Variants in NUP160 observed in about 807,000 individuals in gnomAD.
The protein encoded by NUP160 is nucleoporin 160, also known as nuclear pore complex protein Nup160.
A neutral mutation model predicts 196.9 loss-of-function variants in NUP160; 94 were observed. The ratio of observed to expected loss-of-function variants is 0.48; its 90% CI spans 0.40 to 0.57. The LOEUF (loss-of-function observed/expected upper bound fraction) is 0.57. NUP160 is among the 20% of genes least tolerant of loss of function. The pLI is 0.00. For missense variants in NUP160, 1,638 were observed against 1,748.3 expected, an observed-to-expected ratio of 0.94 and a Z score of 1.13; for synonymous variants, 605 against 619.7, an observed-to-expected ratio of 0.98 and a Z score of 0.35.
intron 7 of NUP160, among the ~76,000 whole-genome samples, chr11:47,826,570 C>CCTT (rs1491138492): frequency 2.8e-5 from 3 of 106,898 alleles, no homozygotes; most frequent in East Asian, 2.9e-4. Context: ...TCCCCCCCCC[C>CCTT]TTTTTTTTTT....
chr11:47,802,999 A>C (rs1193822836), intron 22 of NUP160, among the ~76,000 whole-genome samples: 1 of 151,910 alleles, frequency 6.6e-6, no homozygotes, highest in Non-Finnish European at 1.5e-5. Context: ...GAAATAATAA[A>C]ATAAGTAAAT....
At chr11:47,779,930 G>A (rs983850712) in intron 35 of NUP160, among the ~76,000 whole-genome samples, 1 of 152,144 alleles carries the variant, frequency 6.6e-6, no homozygotes, top group Non-Finnish European at 1.5e-5. Context: ...ATTTCACCAT[G>A]TTGGCAAAGC....
intron 4 of NUP160, 65 bp downstream of exon 4, chr11:47,839,778 T>C (rs1852257645): frequency 2.0e-5 from 27 of 1,337,882 alleles, no homozygotes; most frequent in East Asian, 2.3e-5. Context: ...GATGACGAGG[T>C]TGAACTGTTT....
At chr11:47,811,738 C>G (rs780251968) in intron 17 of NUP160, among the ~76,000 whole-genome samples, 101 of 152,112 alleles carry the variant, frequency 6.6e-4, no homozygotes, top group Middle Eastern at 3.4e-3. Context: ...CGTAGGTAAA[C>G]GTGTGCCATG....
intron 19 of NUP160, 143 bp from the exon 20 acceptor site, chr11:47,806,455 G>A: frequency 3.4e-6 from 2 of 596,974 alleles, no homozygotes; most frequent in Non-Finnish European, 5.7e-6. Context: ...ATATCCAGTG[G>A]CAATATAAAT....
intron 27 of NUP160, among the ~76,000 whole-genome samples, chr11:47,797,392 C>T (rs1329972103): frequency 2.0e-5 from 3 of 152,070 alleles, no homozygotes; most frequent in Non-Finnish European, 2.9e-5. Context: ...GTGCCCACCA[C>T]CACATATGGC....
chr11:47,798,320 C>A lies in NUP160; in HGVS notation c.2991+48G>T, dbSNP rs375333156. ...GAGCAATAGAAATGAACATACCACA[C>A]CCACAACAAACCTTAAAGAAAACAA... On this transcript the variant is annotated intron_variant, in intron 24 of 35. Coordinates refer to ENST00000378460, the Ensembl canonical transcript of NUP160. 30 of 1,536,582 alleles carry A rather than the reference C, an allele frequency of 2.0e-5. No homozygotes were observed. In the South Asian group the frequency reaches 2.2e-4, roughly 11 times the overall value.
exon 24 of NUP160, chr11:47,798,391 C>T: frequency 6.2e-7 from 1 of 1,610,616 alleles, no homozygotes; most frequent in Non-Finnish European, 8.5e-7. Flanking sequence ...TCATCACCTG[C>T]TTCAGTTATG....
Position 47,792,645 on chromosome 11 carries a change from T to C in NUP160, c.3450+141A>G, listed in dbSNP as rs188770032. The C allele has an allele frequency of 1.3e-4, 101 of 778,348 alleles. No homozygotes were observed. The African/African-American group carries it at 1.6e-3, about 12-fold the overall frequency. 48.2% of individuals were successfully genotyped at this position (778,348 alleles called of 1,614,324 possible). A position where few individuals can be genotyped will look rare whatever the true frequency, so the allele number is the denominator to read the frequency against. ...ATATACAACAATTGAATTGTAAACA[T>C]AGATTTTTTTCACAAATATCTCAGT... On this transcript the variant is annotated intron_variant, in intron 28 of 35. Transcript: ENST00000378460.
chr11:47,822,904 C>A (rs925569928), intron 7 of NUP160, among the ~76,000 whole-genome samples: 1 of 152,136 alleles, frequency 6.6e-6, no homozygotes, highest in African/African-American at 2.4e-5. Flanking sequence ...TGAACTCATC[C>A]TTTTTTATGG....
exon 12 of NUP160, chr11:47,816,011 C>G (rs771372008): frequency 1.2e-6 from 2 of 1,613,336 alleles, no homozygotes; most frequent in Non-Finnish European, 1.7e-6. Context: ...AAATTCCTCT[C>G]AGTTCCTCGG....
chr11:47,798,968 T>A (rs1036063372), intron 23 of NUP160, among the ~76,000 whole-genome samples: 3 of 149,994 alleles, frequency 2.0e-5, no homozygotes, highest in African/African-American at 7.3e-5. Flanking sequence ...AGCAAGCTTG[T>A]TGAATGAAAG....
intron 20 of NUP160, among the ~76,000 whole-genome samples, chr11:47,804,964 C>T (rs1370661481): frequency 6.6e-6 from 1 of 152,112 alleles, no homozygotes; most frequent in Non-Finnish European, 1.5e-5. Context: ...CATAAGAGTC[C>T]TGTCTCTAAA....
Position 47,790,550 on chromosome 11 carries a change from C to T in NUP160, c.3511+1380G>A, listed in dbSNP as rs992802431. On this transcript the variant is annotated intron_variant, in intron 29 of 35. Transcript: ENST00000378460. Reference sequence around the variant, plus strand: ...TACAGGGATTACAGGCATGAGCCACCGCACCTGGCCTATACTGTACTCTTA... The same window carrying T: ...TACAGGGATTACAGGCATGAGCCACTGCACCTGGCCTATACTGTACTCTTA... Among the ~76,000 whole-genome samples the T allele has an allele frequency of 4.6e-5, 7 of 152,162 alleles. No individual in the cohort carries two copies. The South Asian group carries it at 6.2e-4, about 14-fold the overall frequency.
At chr11:47,811,979 A>T in intron 17 of NUP160, 85 bp downstream of exon 17, 1 of 1,212,774 alleles carries the variant, frequency 8.2e-7, no homozygotes, top group Non-Finnish European at 1.2e-6. Context: ...TATCTGTGCT[A>T]GTAGGGCTGA....
At chr11:47,817,174 G>C (rs1368531567) in intron 11 of NUP160, among the ~76,000 whole-genome samples, 6 of 150,970 alleles carry the variant, frequency 4.0e-5, no homozygotes, top group Non-Finnish European at 5.9e-5. Context: ...TTTAGAGATG[G>C]GGTCTCCCTC....
exon 6 of NUP160, chr11:47,836,995 G>C: frequency 6.2e-7 from 1 of 1,607,334 alleles, no homozygotes; most frequent in Admixed American, 1.7e-5. Context: ...AAGGCGACTG[G>C]TCACCCCTAA....
chr11:47,786,613 T>C, intron 31 of NUP160, 59 bp from the exon 32 acceptor site: 1 of 1,037,156 alleles, frequency 9.6e-7, no homozygotes, highest in Non-Finnish European at 1.5e-6. Context: ...CACTTTAATT[T>C]GATACTAAAA....
exon 19 of NUP160, chr11:47,807,080 T>C (rs1241811005): frequency 6.2e-7 from 1 of 1,607,740 alleles, no homozygotes. Context: ...CAAACCTATT[T>C]GCCATTAAAG....
Sources: gnomAD v4.1 joint callset for allele counts (sites outside exome capture counted in the v4.1 genomes callset) on GRCh38, gnomAD v4.1.1 for gene constraint, MANE v1.5 for transcripts, NCBI Gene and HGNC (gene_info 2026-07-23, HGNC 2026-07-21) for gene names.